CSMD3: variants seen among roughly 807,000 people sequenced by gnomAD.
CSMD3 encodes CUB and sushi domain-containing protein 3.
In CSMD3, 177 loss-of-function variants were observed where a neutral mutation model predicts 435.2. The ratio of observed to expected loss-of-function variants is 0.41; its 90% CI spans 0.36 to 0.46. The LOEUF (loss-of-function observed/expected upper bound fraction) is 0.46. Ranked by LOEUF, CSMD3 falls within the 20% of genes least tolerant of loss-of-function variation. The pLI, the probability that CSMD3 is intolerant of heterozygous loss-of-function variation, is 0.34. For missense variants in CSMD3, 4,265 were observed against 4,504.6 expected, an observed-to-expected ratio of 0.95 and a Z score of 1.52; for synonymous variants, 1,656 against 1,520.5, an observed-to-expected ratio of 1.09 and a Z score of -2.07.
chr8:112,629,368 A>AT (rs960226782), intron 22 of CSMD3, among the ~76,000 whole-genome samples: 6 of 151,912 alleles, frequency 3.9e-5, no homozygotes, highest in African/African-American at 4.8e-5. Flanking sequence ...TGCCTAGATA[A>AT]TTTTTTATAG....
intron 32 of CSMD3, among the ~76,000 whole-genome samples, chr8:112,428,953 A>C (rs1283464782): frequency 2.0e-5 from 3 of 152,050 alleles, no homozygotes; most frequent in Non-Finnish European, 2.9e-5. Context: ...TATTGTGTAC[A>C]ACATAATATT....
At chr8:112,302,435 T>TC (rs142971560) in intron 52 of CSMD3, among the ~76,000 whole-genome samples, 63 of 152,216 alleles carry the variant, frequency 4.1e-4, no homozygotes, top group African/African-American at 1.4e-3. Flanking sequence ...CTCTATCGTT[T>TC]GAGTTTTACA....
At position 113,188,522 on chromosome 8, in the gene CSMD3, C is replaced by T. The variant is rs116589266; in HGVS notation, c.515-14606G>A. 5.5e-3 allele frequency among the ~76,000 whole-genome samples: 839 copies of T among 152,064 alleles called. 12 individuals carry two copies. Among genetic ancestry groups the T allele is most frequent in the African/African-American group, 0.019 (804 of 41,552 alleles). The stretch of plus-strand genomic sequence containing the variant: ...AGTAATAGTGTGCAATTGGGAACCA[C>T]GGCCATAAGAGTTTCTTGGATGACA... On this transcript the variant is annotated intron_variant, in intron 3 of 70. Coordinates refer to ENST00000297405, the MANE Select transcript of CSMD3 (RefSeq NM_198123.2).
intron 27 of CSMD3, among the ~76,000 whole-genome samples, chr8:112,540,826 C>T (rs1826596731): frequency 2.0e-5 from 3 of 151,762 alleles, no homozygotes; most frequent in Non-Finnish European, 2.9e-5. Flanking sequence ...TACAGTTATA[C>T]AGAAGGCACA....
chr8:112,580,465 T>C (rs1830259488), intron 23 of CSMD3, among the ~76,000 whole-genome samples: 1 of 147,468 alleles, frequency 6.8e-6, no homozygotes, highest in African/African-American at 2.5e-5. Context: ...AATTAGACAA[T>C]AGAGGGAACA....
intron 3 of CSMD3, among the ~76,000 whole-genome samples, chr8:113,188,732 T>C (rs1039838614): frequency 3.9e-5 from 6 of 151,924 alleles, no homozygotes; most frequent in African/African-American, 1.4e-4. Flanking sequence ...AAAGCTTCCA[T>C]TAATAAAATC....
Position 112,306,024 on chromosome 8 carries a change from T to C in CSMD3, c.8054A>G (p.Lys2685Arg). 6.2e-7 allele frequency: 1 copy of C among 1,613,832 alleles called. No individual in the cohort carries two copies. The highest frequency in any genetic ancestry group is 8.5e-7 in the Non-Finnish European group (1 of 1,179,768). The change falls in exon 51 of 71, where the codon AAG (lysine) becomes AGG (arginine). Residue 2685 changes from lysine to arginine, a missense_variant. Lys to Arg is a conservative substitution (Grantham distance 26). Transcript: ENST00000297405. ...ACACATACCAACACAGCGAGGGGTC[T>C]TGTTATGATTGCTCCATGTTCCATC... ...QSDGTWSNHN[K>R]TPRCVVVTCP...
chr8:113,030,417 T>TAAAAAAAAGAAAA (rs2087046972), intron 5 of CSMD3, among the ~76,000 whole-genome samples: 2 of 24,358 alleles, frequency 8.2e-5, no homozygotes, highest in African/African-American at 2.2e-4. Flanking sequence ...TTGGTACTGG[T>TAAAAAAAAGAAAA]AAAAAAAAAA....
chr8:112,881,445 A>T (rs1196265104), intron 10 of CSMD3, among the ~76,000 whole-genome samples: 2 of 152,070 alleles, frequency 1.3e-5, no homozygotes, highest in Non-Finnish European at 2.9e-5. Flanking sequence ...TCTAACAACC[A>T]AAGTGTTAAC....
rs755033046 is a variant in CSMD3, at chr8:112,408,331, G to T, written c.5592C>A (p.His1864Gln). Reference protein sequence around the residue: ...SVGPITAKGFHFVYQAVPRTS... With the variant: ...SVGPITAKGFQFVYQAVPRTS... ...AGGGTCACTTACCTTGGTAAACAAA[G>T]TGAAATCCCTTAGCTGTTATTGGTC... is the stretch of plus-strand genomic sequence containing the variant. The change falls in exon 34 of 71, where the codon CAC becomes CAA. Residue 1864 changes from histidine (H) to glutamine (Q), a missense_variant. Coordinates refer to ENST00000297405, the MANE Select transcript of CSMD3 (RefSeq NM_198123.2). 6.2e-7 allele frequency: 1 copy of T among 1,603,026 alleles called. No individual in the cohort carries two copies. The highest frequency in any genetic ancestry group is 1.3e-5 in the African/African-American group (1 of 74,654).
chr8:113,114,333 A>G (rs114379422), intron 4 of CSMD3, among the ~76,000 whole-genome samples: 1,921 of 152,268 alleles, frequency 0.013, 48 homozygotes, highest in African/African-American at 0.044. Context: ...AAATGAATAG[A>G]AATGTTAAAC....
At chr8:112,623,275 T>C (rs1219642154) in intron 22 of CSMD3, among the ~76,000 whole-genome samples, 2 of 152,152 alleles carry the variant, frequency 1.3e-5, no homozygotes, top group Admixed American at 6.6e-5. Flanking sequence ...TTACCTGTTT[T>C]ACTAATGTTA....
At chr8:112,638,658 A>G (rs1563797916) in intron 21 of CSMD3, 38 bp downstream of exon 21, 1 of 1,277,250 alleles carries the variant, frequency 7.8e-7, no homozygotes, top group Admixed American at 1.7e-5. Flanking sequence ...CTTTTTTAAA[A>G]GTTACTGAAT....
At chr8:112,323,401 C>T (rs2130886097) in intron 45 of CSMD3, among the ~76,000 whole-genome samples, 1 of 152,082 alleles carries the variant, frequency 6.6e-6, no homozygotes. Flanking sequence ...ATAGTTTCAC[C>T]TAAAATTCAT....
chr8:112,523,961 A>G (rs961375495), intron 27 of CSMD3, among the ~76,000 whole-genome samples: 5 of 152,128 alleles, frequency 3.3e-5, no homozygotes, highest in Admixed American at 6.6e-5. Context: ...TGGAAAAGAA[A>G]CCTCAAAGCC....
At chr8:112,619,180 T>C (rs944061862) in intron 22 of CSMD3, among the ~76,000 whole-genome samples, 7 of 152,082 alleles carry the variant, frequency 4.6e-5, no homozygotes, top group South Asian at 4.1e-4. Context: ...CTATTCTCCC[T>C]CCCATACTCC....
At chr8:112,280,814 T>C (rs1274699850) in intron 59 of CSMD3, among the ~76,000 whole-genome samples, 1 of 152,150 alleles carries the variant, frequency 6.6e-6, no homozygotes, top group Non-Finnish European at 1.5e-5. Flanking sequence ...AAAATCAATT[T>C]TGTTATTAAT....
intron 13 of CSMD3, among the ~76,000 whole-genome samples, chr8:112,694,177 T>C (rs900656676): frequency 6.6e-6 from 1 of 151,984 alleles, no homozygotes; most frequent in African/African-American, 2.4e-5. Context: ...TAATGAGAAG[T>C]GTATTTAGAG....
At chr8:112,543,383 C>G (rs984816772) in intron 27 of CSMD3, among the ~76,000 whole-genome samples, 7 of 152,064 alleles carry the variant, frequency 4.6e-5, no homozygotes, top group African/African-American at 1.7e-4. Context: ...TAGGGAACCT[C>G]TACACCTCAA....
Sources: gnomAD v4.1 joint callset for allele counts (sites outside exome capture counted in the v4.1 genomes callset) on GRCh38, gnomAD v4.1.1 for gene constraint, MANE v1.5 for transcripts, NCBI Gene and HGNC (gene_info 2026-07-23, HGNC 2026-07-21) for gene names.